PTP4A3: variants seen among roughly 807,000 people sequenced by gnomAD.
The protein encoded by PTP4A3 is protein tyrosine phosphatase 4A3, also known as protein tyrosine phosphatase type IVA 3.
In PTP4A3, 9 loss-of-function variants were observed where a neutral mutation model predicts 15.2. The observed-to-expected ratio is 0.59, with a 90% CI of 0.36 to 1.03. The LOEUF (loss-of-function observed/expected upper bound fraction) is 1.03. Ranked by LOEUF, PTP4A3 falls within the 50% of genes least tolerant of loss-of-function variation. PTP4A3 has a pLI of 0.02. For missense variants in PTP4A3, 234 were observed against 252.1 expected, an observed-to-expected ratio of 0.93 and a Z score of 0.49; for synonymous variants, 95 against 102.0, an observed-to-expected ratio of 0.93 and a Z score of 0.41.
At chr8:141,413,508 C>T (rs552212580) in intron 1 of PTP4A3, among the ~76,000 whole-genome samples, 1 of 152,214 alleles carries the variant, frequency 6.6e-6, no homozygotes, top group Non-Finnish European at 1.5e-5. Context: ...CCCAACACCC[C>T]GTACTCCAGA....
chr8:141,412,693 C>G (rs993118573), intron 1 of PTP4A3, among the ~76,000 whole-genome samples: 1 of 152,350 alleles, frequency 6.6e-6, no homozygotes, highest in South Asian at 2.1e-4. Flanking sequence ...CCTCCCACAG[C>G]GAGCTCGCCC....
chr8:141,398,945 C>T (rs1045661666), intron 1 of PTP4A3, among the ~76,000 whole-genome samples: 2 of 152,206 alleles, frequency 1.3e-5, no homozygotes, highest in East Asian at 1.9e-4. Context: ...GAGGAGGTGA[C>T]GGGTGGCCCT....
intron 2 of PTP4A3, among the ~76,000 whole-genome samples, chr8:141,424,649 TG>T (rs1337312054): frequency 6.6e-6 from 1 of 152,064 alleles, no homozygotes; most frequent in African/African-American, 2.4e-5. Context: ...AGTGGTGTGC[TG>T]GGCAGCTGGG....
chr8:141,405,591 G>A (rs991091665), intron 1 of PTP4A3, among the ~76,000 whole-genome samples: 2 of 152,210 alleles, frequency 1.3e-5, no homozygotes, highest in Non-Finnish European at 2.9e-5. Context: ...CAGGACAGTC[G>A]AATATGTTCA....
At chr8:141,411,523 A>G (rs1832868636) in intron 1 of PTP4A3, among the ~76,000 whole-genome samples, 1 of 152,186 alleles carries the variant, frequency 6.6e-6, no homozygotes, top group Non-Finnish European at 1.5e-5. Flanking sequence ...CCAGCCCAGA[A>G]ATAGCTGTGA....
rs1833352808 is a variant in PTP4A3, at chr8:141,421,983, G to A, written c.-258G>A. 1 of 473,044 alleles carries A rather than the reference G, an allele frequency of 2.1e-6. No individual in the cohort carries two copies. Among genetic ancestry groups the A allele is most frequent in the Admixed American group, 4.0e-5 (1 of 24,778 alleles). The allele number at this position is 473,044 out of a possible 1,614,324, so 29.3% of individuals were successfully genotyped here. On this transcript the variant is annotated 5_prime_UTR_variant, in exon 2 of 6. Transcript: ENST00000521578. ...GTTGGGTTGGGGGGGGCGGCGGGCT[G>A]TTTTGTTCCTTTTCTTTTTTAAGAG... is the stretch of plus-strand genomic sequence containing the variant.
rs557905567 is a variant in PTP4A3 at position 141,422,435 on chromosome 8, C to T, written c.105+90C>T. 4 of 1,420,136 alleles carry T rather than the reference C, an allele frequency of 2.8e-6. 1 individual carries two copies. In the East Asian group the frequency reaches 6.9e-5, roughly 25 times the overall value. The allele number at this position is 1,420,136 out of a possible 1,614,324, so 88.0% of individuals were successfully genotyped here. A position where few individuals can be genotyped will look rare whatever the true frequency, so the allele number is the denominator to read the frequency against. On this transcript the variant is annotated intron_variant, in intron 2 of 5. Coordinates refer to ENST00000521578, the MANE Select transcript of PTP4A3 (RefSeq NM_032611.3). Reference sequence around the variant, plus strand: ...CCTCAGGCCTCGCAAGAGGGGTCCCCAGCCCCGGCTGGCCAGACAGGGCTC... The same window carrying T: ...CCTCAGGCCTCGCAAGAGGGGTCCCTAGCCCCGGCTGGCCAGACAGGGCTC...
At chr8:141,397,115 C>T (rs1315731838) in intron 1 of PTP4A3, among the ~76,000 whole-genome samples, 1 of 152,248 alleles carries the variant, frequency 6.6e-6, no homozygotes, top group African/African-American at 2.4e-5. Flanking sequence ...TAGCCACCTC[C>T]TCAGGGCCAG....
At chr8:141,411,147 C>T (rs112491945) in intron 1 of PTP4A3, among the ~76,000 whole-genome samples, 103 of 152,292 alleles carry the variant, frequency 6.8e-4, no homozygotes, top group African/African-American at 2.4e-3. Context: ...GTCACAGGAG[C>T]TGAAGACAGT....
At chr8:141,415,581 T>A (rs1586551261) in intron 1 of PTP4A3, among the ~76,000 whole-genome samples, 1 of 125,684 alleles carries the variant, frequency 8.0e-6, no homozygotes, top group Admixed American at 7.8e-5. Context: ...CGCCCCCGCC[T>A]CCCACATGAC....
At chr8:141,403,369 C>G (rs577107683) in intron 1 of PTP4A3, among the ~76,000 whole-genome samples, 6 of 152,260 alleles carry the variant, frequency 3.9e-5, no homozygotes, top group African/African-American at 1.2e-4. Context: ...CTGAGAGTCC[C>G]GAGCCTGGGG....
In PTP4A3 at chr8:141,425,671, G is replaced by T. The variant is rs931189241; in HGVS notation, c.198+531G>T. On this transcript the variant is annotated intron_variant, in intron 3 of 5. Coordinates refer to ENST00000521578, the MANE Select transcript of PTP4A3 (RefSeq NM_032611.3). This position sits in a 1 kb window ranked among gnomAD's most constrained non-coding sequence, Gnocchi z 4.2. ...GCAGGCCCAGAGCCAGCCCCAGGGG[G>T]GTCCACCCCCGGCCCGGTGGACGAC... is the stretch of plus-strand genomic sequence containing the variant. Among the ~76,000 whole-genome samples, 3 of 152,082 alleles carry T rather than the reference G, an allele frequency of 2.0e-5. No individual in the cohort carries two copies. The highest frequency in any genetic ancestry group is 4.4e-5 in the Non-Finnish European group (3 of 67,964).
At chr8:141,411,509 C>G (rs113220133) in intron 1 of PTP4A3, among the ~76,000 whole-genome samples, 1 of 152,222 alleles carries the variant, frequency 6.6e-6, no homozygotes, top group African/African-American at 2.4e-5. Flanking sequence ...GTCTCACCAT[C>G]GGGCCAGCCC....
intron 1 of PTP4A3, among the ~76,000 whole-genome samples, chr8:141,420,580 C>T (rs1833284369): frequency 6.6e-6 from 1 of 152,224 alleles, no homozygotes; most frequent in Non-Finnish European, 1.5e-5. Context: ...GAACCCACTC[C>T]TGGCCACCTG....
Position 141,406,880 on chromosome 8 carries a change from T to C in PTP4A3, c.-853-14508T>C, listed in dbSNP as rs1014235047. Among the ~76,000 whole-genome samples, 2 of 152,242 alleles carry C rather than the reference T, an allele frequency of 1.3e-5. No homozygotes were observed. Among genetic ancestry groups the C allele is most frequent in the African/African-American group, 2.4e-5 (1 of 41,462 alleles). On this transcript the variant is annotated intron_variant, in intron 1 of 5. Transcript: ENST00000521578. This position sits in a 1 kb window ranked among gnomAD's most constrained non-coding sequence, Gnocchi z 4.5. ...GTCTTTGCCCTGTGCCCACTGTATGTGCAAGGTCATGCAGGTTATGCTTTG... is the reference window on the plus strand; with the variant it reads ...GTCTTTGCCCTGTGCCCACTGTATGCGCAAGGTCATGCAGGTTATGCTTTG...
chr8:141,413,007 C>A (rs1327927167), intron 1 of PTP4A3, among the ~76,000 whole-genome samples: 3 of 152,176 alleles, frequency 2.0e-5, no homozygotes, highest in Non-Finnish European at 2.9e-5. Flanking sequence ...TGAGGACCTT[C>A]CTGGGCAGCC....
At chr8:141,401,516 A>C (rs1832589197) in intron 1 of PTP4A3, among the ~76,000 whole-genome samples, 2 of 152,066 alleles carry the variant, frequency 1.3e-5, no homozygotes, top group African/African-American at 2.4e-5. Flanking sequence ...TGCTCTGCTG[A>C]CGGATGCTGC....
Position 141,431,283 on chromosome 8 carries a change from G to A in PTP4A3, c.*239G>A. ...TCCGCCACTCCCTCTGGCGGCGCTGGCCGTGGCTCTGTCTCTCTGAGGTGG... is the reference window on the plus strand; with the variant it reads ...TCCGCCACTCCCTCTGGCGGCGCTGACCGTGGCTCTGTCTCTCTGAGGTGG... On this transcript the variant is annotated 3_prime_UTR_variant, in exon 6 of 6. Coordinates refer to ENST00000521578, the MANE Select transcript of PTP4A3 (RefSeq NM_032611.3). The A allele has an allele frequency of 1.8e-6, 1 of 560,184 alleles. No individual in the cohort carries two copies. Among genetic ancestry groups the A allele is most frequent in the Non-Finnish European group, 3.2e-6 (1 of 316,360 alleles). 34.7% of individuals were successfully genotyped at this position (560,184 alleles called of 1,614,324 possible).
intron 3 of PTP4A3, chr8:141,426,429 A>G: frequency 1.0e-6 from 1 of 985,102 alleles, no homozygotes; most frequent in Non-Finnish European, 1.2e-6. Context: ...TGCCCTCAGA[A>G]ATGTGGGCCC....
Sources: allele counts gnomAD v4.1 joint callset (sites outside exome capture counted in the v4.1 genomes callset), GRCh38; gene constraint gnomAD v4.1.1; non-coding constraint Gnocchi (gnomAD v3.1); transcripts MANE v1.5; gene names NCBI Gene and HGNC (gene_info 2026-07-23, HGNC 2026-07-21).